SNED1: variants seen among roughly 807,000 people sequenced by gnomAD.
The protein encoded by SNED1 is sushi, nidogen and EGF like domains 1, also known as sushi, nidogen and EGF-like domain-containing protein 1.
A neutral mutation model predicts 166.7 loss-of-function variants in SNED1; 81 were observed. The observed-to-expected ratio is 0.49, with a 90% CI of 0.41 to 0.58. The LOEUF (loss-of-function observed/expected upper bound fraction) is 0.58, where lower values mean the gene tolerates loss of function less well. SNED1 is among the 20% of genes least tolerant of loss of function. SNED1 has a pLI of 0.00. For missense variants in SNED1, 1,604 were observed against 2,000.2 expected, an observed-to-expected ratio of 0.80 and a Z score of 3.78; for synonymous variants, 762 against 822.0, an observed-to-expected ratio of 0.93 and a Z score of 1.25.
intron 24 of SNED1, among the ~76,000 whole-genome samples, chr2:241,070,799 T>C (rs2062671760): frequency 6.6e-6 from 1 of 151,924 alleles, no homozygotes; most frequent in Non-Finnish European, 1.5e-5. Flanking sequence ...AGTGGGAAAA[T>C]GCAGGAGCAG....
chr2:241,046,894 C>T (rs918085513), intron 8 of SNED1, among the ~76,000 whole-genome samples: 1 of 152,116 alleles, frequency 6.6e-6, no homozygotes, highest in African/African-American at 2.4e-5. Flanking sequence ...CCTGTAATCC[C>T]AGCACTTTGG....
chr2:241,000,880 C>T (rs764180237), intron 1 of SNED1, among the ~76,000 whole-genome samples: 3 of 152,356 alleles, frequency 2.0e-5, no homozygotes, highest in East Asian at 1.9e-4. Flanking sequence ...CTTGAGGCTG[C>T]GTTGCCCAGG....
At chr2:241,070,763 A>G (rs1348587952) in intron 24 of SNED1, among the ~76,000 whole-genome samples, 1 of 152,196 alleles carries the variant, frequency 6.6e-6, no homozygotes, top group Non-Finnish European at 1.5e-5. Flanking sequence ...CGCCCCACTT[A>G]GGTCTTCCAA....
chr2:241,069,101 T>A lies in SNED1; in HGVS notation c.3307+78T>A, dbSNP rs981734825. ...CTGGCTTCCTTCCAGCCTCCCCTAG[T>A]CCTCTCCAAAGCGTCCACAACACCA... On this transcript the variant is annotated intron_variant, in intron 23 of 31. Transcript: ENST00000310397. The surrounding 1 kb of genome is among the most constrained non-coding windows in gnomAD (Gnocchi z 4.9). The A allele has an allele frequency of 2.0e-6, 2 of 999,500 alleles. No individual in the cohort carries two copies. Among genetic ancestry groups the A allele is most frequent in the Non-Finnish European group, 2.9e-6 (2 of 680,172 alleles). 61.9% of individuals were successfully genotyped at this position (999,500 alleles called of 1,614,324 possible). A position where few individuals can be genotyped will look rare whatever the true frequency, so the allele number is the denominator to read the frequency against.
Position 241,067,797 on chromosome 2 carries a change from A to G in SNED1, c.3044A>G (p.Asn1015Ser), listed in dbSNP as rs200498323. The G allele has an allele frequency of 4.3e-4, 686 of 1,611,992 alleles. 6 individuals carry two copies. The East Asian group carries it at 0.013, about 30-fold the overall frequency. ...CCTGTGGAAGGCTTCGAGGTCACCAATGTGACGGCTAGCACCATCTCAGTG... is the reference window on the plus strand; with the variant it reads ...CCTGTGGAAGGCTTCGAGGTCACCAGTGTGACGGCTAGCACCATCTCAGTG... ...PRPVEGFEVTNVTASTISVQW... is the reference protein window; with the variant it reads ...PRPVEGFEVTSVTASTISVQW... Residue 1015 changes from asparagine to serine, a missense_variant, in exon 22 of 32, where the codon AAT (asparagine) becomes AGT (serine). Physicochemically the swap from Asn to Ser is conservative, Grantham distance 46. Coordinates refer to ENST00000310397, the MANE Select transcript of SNED1 (RefSeq NM_001080437.3).
At chr2:241,020,993 C>T (rs2060755450) in intron 1 of SNED1, among the ~76,000 whole-genome samples, 1 of 152,170 alleles carries the variant, frequency 6.6e-6, no homozygotes. Context: ...CTGCACACAC[C>T]CAGGTTCCAT....
At chr2:241,017,285 C>T (rs2060627065) in intron 1 of SNED1, among the ~76,000 whole-genome samples, 1 of 152,238 alleles carries the variant, frequency 6.6e-6, no homozygotes, top group South Asian at 2.1e-4. Context: ...GTTAGAGCCT[C>T]ATGGCACAGC....
Position 241,094,275 on chromosome 2 carries a change from A to G in SNED1, c.*2639A>G. 2.1e-6 allele frequency: 1 copy of G among 468,722 alleles called. No individual in the cohort carries two copies. The highest frequency in any genetic ancestry group is 7.0e-5 in the East Asian group (1 of 14,376). 29.0% of individuals were successfully genotyped at this position (468,722 alleles called of 1,614,324 possible). ...AAGGGCCCCACTCAGGTATCAGCTC[A>G]CCTCCTGCACCTCCCCTTAGCAGGA... On this transcript the variant is annotated 3_prime_UTR_variant, in exon 32 of 32. Coordinates refer to ENST00000310397, the MANE Select transcript of SNED1 (RefSeq NM_001080437.3). This position sits in a 1 kb window ranked among gnomAD's most constrained non-coding sequence, Gnocchi z 4.3.
chr2:241,004,857 G>C (rs1480128336), intron 1 of SNED1, among the ~76,000 whole-genome samples: 1 of 152,034 alleles, frequency 6.6e-6, no homozygotes, highest in African/African-American at 2.4e-5. Flanking sequence ...GAATAGCTGG[G>C]ATTATAGGCG....
intron 26 of SNED1, chr2:241,072,124 C>T (rs986395543): frequency 4.3e-6 from 3 of 696,770 alleles, no homozygotes; most frequent in Non-Finnish European, 2.6e-6. Flanking sequence ...GCGCAGGCTG[C>T]TGGTAGGGCA....
chr2:241,055,476 G>A (rs1352376772), intron 16 of SNED1, among the ~76,000 whole-genome samples: 2 of 152,132 alleles, frequency 1.3e-5, no homozygotes, highest in Admixed American at 1.3e-4. Context: ...TTTAAATACT[G>A]AAGAGATCCA....
intron 24 of SNED1, chr2:241,071,329 G>C: frequency 1.7e-6 from 1 of 580,690 alleles, no homozygotes; most frequent in Non-Finnish European, 3.1e-6. Flanking sequence ...TGACTCCCAG[G>C]CCAGTGCACG....
intron 30 of SNED1, chr2:241,088,031 C>A: frequency 2.5e-6 from 1 of 406,430 alleles, no homozygotes; most frequent in Non-Finnish European, 4.4e-6. Context: ...CAGCCTGCAG[C>A]TCACCAGCCG....
At chr2:241,090,167 T>C in intron 31 of SNED1, 1 of 1,460,456 alleles carries the variant, frequency 6.8e-7, no homozygotes, top group Non-Finnish European at 9.1e-7. Context: ...ATGTTCAAAA[T>C]TGTTTTCTGT....
intron 1 of SNED1, 26 bp from the exon 2 acceptor site, chr2:241,030,258 C>T (rs1438146721): frequency 6.6e-6 from 10 of 1,513,760 alleles, no homozygotes; most frequent in Non-Finnish European, 6.2e-6. Context: ...CCCAGTCAAT[C>T]CCCGCTCTGG....
intron 11 of SNED1, 84 bp from the exon 12 acceptor site, chr2:241,049,733 G>A: frequency 1.0e-6 from 1 of 992,772 alleles, no homozygotes; most frequent in Non-Finnish European, 1.6e-6. Context: ...GGGTAACCCT[G>A]GCAGGCAAGG....
intron 27 of SNED1, among the ~76,000 whole-genome samples, chr2:241,080,698 A>G (rs962067330): frequency 2.6e-5 from 4 of 152,282 alleles, no homozygotes; most frequent in Non-Finnish European, 5.9e-5. Flanking sequence ...ACGGAAGCCC[A>G]TGAAATATAC....
intron 21 of SNED1, 30 bp downstream of exon 21, chr2:241,065,625 C>T: frequency 1.3e-6 from 2 of 1,598,888 alleles, no homozygotes; most frequent in East Asian, 2.2e-5. Flanking sequence ...GCCGTCCCTG[C>T]CCAGCCCCTG....
intron 16 of SNED1, among the ~76,000 whole-genome samples, chr2:241,059,414 A>G (rs1185266812): frequency 2.6e-5 from 4 of 152,226 alleles, no homozygotes; most frequent in South Asian, 2.1e-4. Context: ...ACCAAACTCA[A>G]TTGATACCCA....
Sources: gnomAD v4.1 joint callset for allele counts (sites outside exome capture counted in the v4.1 genomes callset) on GRCh38, gnomAD v4.1.1 for gene constraint, Gnocchi (gnomAD v3.1) non-coding constraint, MANE v1.5 for transcripts, NCBI Gene and HGNC (gene_info 2026-07-23, HGNC 2026-07-21) for gene names.